PCDHGB1: variants seen among roughly 807,000 people sequenced by gnomAD.
PCDHGB1 encodes the protein protocadherin gamma subfamily B, 1.
A neutral mutation model predicts 56.6 loss-of-function variants in PCDHGB1; 34 were observed. The ratio of observed to expected loss-of-function variants is 0.60; its 90% CI spans 0.46 to 0.80. The LOEUF (loss-of-function observed/expected upper bound fraction) is 0.80. Ranked by LOEUF, PCDHGB1 falls within the 30% of genes least tolerant of loss-of-function variation. PCDHGB1 has a pLI of 0.00. For missense variants in PCDHGB1, 1,278 were observed against 1,204.6 expected (o/e 1.06, Z -0.90); for synonymous variants, 561 against 505.9 (o/e 1.11, Z -1.46).
Position 141,421,812 on chromosome 5 carries a change from A to G in PCDHGB1, c.2409+69143A>G, listed in dbSNP as rs779804436. On this transcript the variant is annotated intron_variant, in intron 1 of 3. Transcript: ENST00000523390. ...CGGATGGGGCCAAGAATCCAGAGCTAGTACTGGAGGGAAGCCTGGACCGAG... is the reference window on the plus strand; with the variant it reads ...CGGATGGGGCCAAGAATCCAGAGCTGGTACTGGAGGGAAGCCTGGACCGAG... 9.9e-6 allele frequency: 16 copies of G among 1,613,704 alleles called. 1 individual carries two copies. In the South Asian group the frequency reaches 1.5e-4, roughly 16 times the overall value.
intron 1 of PCDHGB1, chr5:141,375,062 C>T (rs377179051): frequency 5.6e-6 from 9 of 1,613,878 alleles, no homozygotes; most frequent in Non-Finnish European, 7.6e-6. Context: ...TGGGCCAGGT[C>T]TTCGAGACAG....
Position 141,486,914 on chromosome 5 carries a change from C to T in PCDHGB1, c.2410-7893C>T, listed in dbSNP as rs1469857080. On this transcript the variant is annotated intron_variant, in intron 1 of 3. Coordinates refer to ENST00000523390, the MANE Select transcript of PCDHGB1 (RefSeq NM_018922.3). This position sits in a 1 kb window ranked among gnomAD's most constrained non-coding sequence, Gnocchi z 5.0. ...TGGTTCCTTATGTCCCCAAGCACTG[C>T]CTCCATCAGTTGGTGCTGGCCACCT... The T allele has an allele frequency of 6.2e-7, 1 of 1,614,236 alleles. No individual in the cohort carries two copies.
At chr5:141,361,233 C>T (rs1266504186) in intron 1 of PCDHGB1, 5 of 1,613,834 alleles carry the variant, frequency 3.1e-6, no homozygotes, top group Non-Finnish European at 4.2e-6. Context: ...GAACAGTGAT[C>T]GCCTTGATAA....
chr5:141,372,168 G>T, intron 1 of PCDHGB1: 1 of 1,613,754 alleles, frequency 6.2e-7, no homozygotes. Flanking sequence ...GACCAAGGTG[G>T]TGGCGGTGGA....
intron 2 of PCDHGB1, among the ~76,000 whole-genome samples, chr5:141,504,782 G>A (rs2099841011): frequency 6.6e-6 from 1 of 151,926 alleles, no homozygotes; most frequent in Non-Finnish European, 1.5e-5. Context: ...AGGGTCTCTT[G>A]GGGCCTCCTA....
chr5:141,361,268 A>G, intron 1 of PCDHGB1: 5 of 1,613,982 alleles, frequency 3.1e-6, no homozygotes, highest in Non-Finnish European at 4.2e-6. Flanking sequence ...GACTCTGGAG[A>G]AAATGGAGAA....
intron 1 of PCDHGB1, chr5:141,422,585 T>C (rs1193597044): frequency 1.2e-6 from 2 of 1,613,930 alleles, no homozygotes; most frequent in African/African-American, 2.7e-5. Context: ...CCTCCCGTTT[T>C]TCCTCACTCC....
At chr5:141,505,259 C>T in intron 2 of PCDHGB1, 134 bp from the exon 3 acceptor site, 2 of 1,500,262 alleles carry the variant, frequency 1.3e-6, no homozygotes, top group Admixed American at 2.0e-5. Flanking sequence ...GTGCCTCCTA[C>T]CTTGCTGAGA....
chr5:141,356,029 G>T, intron 1 of PCDHGB1: 1 of 1,613,954 alleles, frequency 6.2e-7, no homozygotes, highest in South Asian at 1.1e-5. Flanking sequence ...CAATGGAGAC[G>T]TGACGTATTC....
rs750327987 is a variant in PCDHGB1 at position 141,352,360 on chromosome 5, C to T, written c.2100C>T (p.Leu700=). 6.8e-6 allele frequency: 11 copies of T among 1,613,940 alleles called. No individual in the cohort carries two copies. The highest frequency in any genetic ancestry group is 7.6e-6 in the Non-Finnish European group (9 of 1,179,912). Residue 700 remains leucine (L), a synonymous_variant, in exon 1 of 4, where the codon CTC becomes CTT. Transcript: ENST00000523390. ...VALALISVLF[L]LAVILAIALR... ...TGGCCTTGATCTCAGTGCTCTTTCT[C>T]CTCGCGGTGATTCTAGCGATCGCCC...
chr5:141,356,809 A>T, intron 1 of PCDHGB1: 1 of 1,614,080 alleles, frequency 6.2e-7, no homozygotes, highest in Non-Finnish European at 8.5e-7. Flanking sequence ...AGCCAGTGAC[A>T]GTGGAGACCC....
At chr5:141,377,523 G>C (rs937581595) in intron 1 of PCDHGB1, 1 of 151,990 alleles carries the variant, frequency 6.6e-6, no homozygotes, top group Non-Finnish European at 1.5e-5. Flanking sequence ...TTAAGTCCAG[G>C]GGTATGAGGC....
intron 1 of PCDHGB1, chr5:141,361,395 C>T: frequency 1.2e-6 from 2 of 1,614,022 alleles, no homozygotes; most frequent in Non-Finnish European, 1.7e-6. Flanking sequence ...AATACAATCT[C>T]ACCATCACAG....
rs763792447 is a variant in PCDHGB1, at chr5:141,362,267, T to C, written c.2409+9598T>C. On this transcript the variant is annotated intron_variant, in intron 1 of 3. Coordinates refer to ENST00000523390, the MANE Select transcript of PCDHGB1 (RefSeq NM_018922.3). ...TTCTTCCTCGCGGTGATTCTGGCAA[T>C]CTCCCTGCGCCTGCGACTCTCTTCC... The C allele has an allele frequency of 4.3e-6, 7 of 1,613,980 alleles. No homozygotes were observed. The Admixed American group carries it at 1.2e-4, about 27-fold the overall frequency.
At chr5:141,403,081 T>C (rs772246285) in intron 1 of PCDHGB1, 1 of 1,614,048 alleles carries the variant, frequency 6.2e-7, no homozygotes, top group East Asian at 2.2e-5. Flanking sequence ...AAAAGGGCTA[T>C]ATTGTGGGCA....
At position 141,405,363 on chromosome 5, in the gene PCDHGB1, C is replaced by T. The variant is rs765508317; in HGVS notation, c.2409+52694C>T. The T allele has an allele frequency of 2.0e-5, 33 of 1,613,690 alleles. No individual in the cohort carries two copies. The highest frequency in any genetic ancestry group is 2.7e-5 in the African/African-American group (2 of 74,888). On this transcript the variant is annotated intron_variant, in intron 1 of 3. Coordinates refer to ENST00000523390, the MANE Select transcript of PCDHGB1 (RefSeq NM_018922.3). ...GATTCCAAGTTTCCTATAGAAGACACCCCTTTGGTTCCGGTGAGTTCATTT... is the reference window on the plus strand; with the variant it reads ...GATTCCAAGTTTCCTATAGAAGACATCCCTTTGGTTCCGGTGAGTTCATTT...
chr5:141,388,314 G>A (rs752079289), intron 1 of PCDHGB1: 4 of 1,613,824 alleles, frequency 2.5e-6, no homozygotes, highest in South Asian at 1.1e-5. Context: ...GCAAATAAGT[G>A]AGTCTGCACA....
Position 141,432,647 on chromosome 5 carries a change from C to G in PCDHGB1, c.2410-62160C>G, listed in dbSNP as rs747789886. The G allele has an allele frequency of 1.7e-5, 28 of 1,613,678 alleles. No individual in the cohort carries two copies. In the Admixed American group the frequency reaches 4.5e-4, roughly 26 times the overall value. ...GCACACGGGCGAGGTGCGCACGGCG[C>G]GAGCCCTGCTGGACAGAGACGCGCT... On this transcript the variant is annotated intron_variant, in intron 1 of 3. Coordinates refer to ENST00000523390, the MANE Select transcript of PCDHGB1 (RefSeq NM_018922.3). This position sits in a 1 kb window ranked among gnomAD's most constrained non-coding sequence, Gnocchi z 6.0.
intron 1 of PCDHGB1, among the ~76,000 whole-genome samples, chr5:141,439,043 G>T (rs1688170264): frequency 6.6e-6 from 1 of 151,346 alleles, no homozygotes; most frequent in Non-Finnish European, 1.5e-5. Flanking sequence ...CAGTTCATAA[G>T]ATTTCCATAT....
Sources: allele counts gnomAD v4.1 joint callset (sites outside exome capture counted in the v4.1 genomes callset), GRCh38; gene constraint gnomAD v4.1.1; non-coding constraint Gnocchi (gnomAD v3.1); transcripts MANE v1.5; gene names NCBI Gene and HGNC (gene_info 2026-07-23, HGNC 2026-07-21).